Variants in TAB3 observed in about 807,000 individuals in gnomAD.
The protein encoded by TAB3 is TGF-beta-activated kinase 1 and MAP3K7-binding protein 3.
TAB3 carries 18 observed loss-of-function variants against 48.1 expected under a neutral mutation model. The observed-to-expected ratio is 0.37, with a 90% CI of 0.26 to 0.55. The LOEUF (loss-of-function observed/expected upper bound fraction) is 0.55, where lower values mean the gene tolerates loss of function less well. Ranked by LOEUF, TAB3 falls within the 20% of genes least tolerant of loss-of-function variation. TAB3 has a pLI of 0.78. For missense variants in TAB3, 414 were observed against 549.8 expected (o/e 0.75, Z 2.47); for synonymous variants, 185 against 190.2 (o/e 0.97, Z 0.22).
chrX:30,829,643 C>A lies in TAB3; in HGVS notation c.*1784G>T, dbSNP rs1937969507. 1 of 111,614 alleles carries A rather than the reference C, an allele frequency of 9.0e-6. No individual in the cohort carries two copies. The highest frequency in any genetic ancestry group is 1.9e-5 in the Non-Finnish European group (1 of 53,076). 9.2% of individuals were successfully genotyped at this position (111,614 alleles called of 1,213,427 possible). A position where few individuals can be genotyped will look rare whatever the true frequency, so the allele number is the denominator to read the frequency against. Reference sequence around the variant, plus strand: ...GAGATGTTTTTATCAGTGTTAATTACCATGCTTCCTTTGGGAGACTAGTGG... The same window carrying A: ...GAGATGTTTTTATCAGTGTTAATTAACATGCTTCCTTTGGGAGACTAGTGG... On this transcript the variant is annotated 3_prime_UTR_variant, in exon 11 of 11. Coordinates refer to ENST00000288422, the MANE Select transcript of TAB3 (RefSeq NM_152787.5).
Position 30,852,469 on chromosome X carries a change from A to C in TAB3, c.1710+309T>G, listed in dbSNP as rs191607921. ...GAATACACAAAGAATAAATTCATCA[A>C]ATTTTTGGTCAGGGTGCACTTTTCA... On this transcript the variant is annotated intron_variant, in intron 7 of 10. Coordinates refer to ENST00000288422, the MANE Select transcript of TAB3 (RefSeq NM_152787.5). Among the ~76,000 whole-genome samples the C allele has an allele frequency of 2.7e-5, 3 of 111,729 alleles. No homozygotes were observed. In the East Asian group the frequency reaches 8.4e-4, roughly 31 times the overall value.
intron 2 of TAB3, among the ~76,000 whole-genome samples, chrX:30,868,311 AT>A (rs1377274889): frequency 5.9e-4 from 1 of 1,699 alleles, no homozygotes; most frequent in Non-Finnish European, 9.9e-4. Flanking sequence ...ATATATATAT[AT>A]AGCTTATATA....
In TAB3 at chrX:30,830,442, A is replaced by G. The variant is rs1428480715; in HGVS notation, c.*985T>C. The G allele has an allele frequency of 9.0e-6, 1 of 111,237 alleles. No individual in the cohort carries two copies. The highest frequency in any genetic ancestry group is 3.3e-5 in the African/African-American group (1 of 30,539). 9.2% of individuals were successfully genotyped at this position (111,237 alleles called of 1,213,427 possible). ...GCTGTAAACATCATGAATTTATCAC[A>G]AAATTGGAAGGAAAAAAAAAAGGCC... On this transcript the variant is annotated 3_prime_UTR_variant, in exon 11 of 11. Transcript: ENST00000288422.
intron 7 of TAB3, among the ~76,000 whole-genome samples, chrX:30,852,171 T>C (rs1372441319): frequency 8.9e-6 from 1 of 112,338 alleles, no homozygotes; most frequent in East Asian, 2.8e-4. Flanking sequence ...TTGGGATCGT[T>C]AGAACTCATA....
intron 7 of TAB3, among the ~76,000 whole-genome samples, chrX:30,849,298 T>C (rs1009121392): frequency 8.9e-6 from 1 of 112,486 alleles, no homozygotes; most frequent in African/African-American, 3.2e-5. Context: ...TATCTTGCAC[T>C]TCTGCTCTCC....
chrX:30,849,387 G>A (rs983152751), intron 7 of TAB3, among the ~76,000 whole-genome samples: 1 of 112,453 alleles, frequency 8.9e-6, no homozygotes, highest in African/African-American at 3.2e-5. Context: ...AATGTGCACT[G>A]CAGTATCATT....
At chrX:30,851,557 A>G (rs1938850297) in intron 7 of TAB3, among the ~76,000 whole-genome samples, 2 of 112,142 alleles carry the variant, frequency 1.8e-5, no homozygotes, top group African/African-American at 6.5e-5. Context: ...GATGAAAGCT[A>G]TAGACCCACT....
At position 30,872,518 on chromosome X, in the gene TAB3, CTT is replaced by C. The variant is rs1293241531; in HGVS notation, c.-382-719_-382-718del. On this transcript the variant is annotated intron_variant, in intron 1 of 10. Transcript: ENST00000288422. ...ATAGCTTTAACTTCTTCAAGAATCA[CTT>C]TATCATAAGCCTTAGTAAAATAATA... is the stretch of plus-strand genomic sequence containing the variant. Among the ~76,000 whole-genome samples, 4 of 112,054 alleles carry C rather than the reference CTT, an allele frequency of 3.6e-5. No homozygotes were observed. In the South Asian group the frequency reaches 1.5e-3, roughly 41 times the overall value.
At chrX:30,846,085 C>T (rs965417890) in intron 8 of TAB3, 2 of 960,274 alleles carry the variant, frequency 2.1e-6, no homozygotes, top group Non-Finnish European at 2.7e-6. Context: ...TAAAAAAATC[C>T]AAAAAACTAA....
intron 8 of TAB3, chrX:30,846,165 A>T (rs1938615747): frequency 1.7e-5 from 11 of 663,833 alleles, no homozygotes; most frequent in Non-Finnish European, 2.1e-5. Flanking sequence ...GTTTATTTTA[A>T]AACTGAGAAA....
intron 9 of TAB3, among the ~76,000 whole-genome samples, chrX:30,839,026 C>T (rs1265212378): frequency 9.1e-6 from 1 of 109,950 alleles, no homozygotes; most frequent in Non-Finnish European, 1.9e-5. Context: ...CTAGGAACTC[C>T]AGGTACAACG....
rs1474825703 is a variant in TAB3 at position 30,827,958 on chromosome X, C to G, written c.*3469G>C. The G allele has an allele frequency of 8.9e-6, 1 of 112,286 alleles. No individual in the cohort carries two copies. The highest frequency in any genetic ancestry group is 1.9e-5 in the Non-Finnish European group (1 of 53,149). 9.3% of individuals were successfully genotyped at this position (112,286 alleles called of 1,213,427 possible). A position where few individuals can be genotyped will look rare whatever the true frequency, so the allele number is the denominator to read the frequency against. ...CAACACAGACAGTGCCCAATTTATT[C>G]TGATTTTTAAAAGTAACATTTCAGT... On this transcript the variant is annotated 3_prime_UTR_variant, in exon 11 of 11. Transcript: ENST00000288422.
intron 9 of TAB3, among the ~76,000 whole-genome samples, chrX:30,839,057 T>A (rs1232445060): frequency 9.0e-6 from 1 of 111,247 alleles, no homozygotes; most frequent in Non-Finnish European, 1.9e-5. Context: ...GTGGTGAGAA[T>A]AGACATCCTT....
At chrX:30,840,446 T>C (rs5927627) in intron 9 of TAB3, among the ~76,000 whole-genome samples, 30,603 of 110,634 alleles carry the variant, frequency 0.28, 3,279 homozygotes, top group Admixed American at 0.39. Context: ...AACCTTGAAA[T>C]TTCCTGAGTA....
intron 1 of TAB3, among the ~76,000 whole-genome samples, chrX:30,878,734 A>T (rs1292564375): frequency 8.9e-6 from 1 of 111,734 alleles, no homozygotes; most frequent in Non-Finnish European, 1.9e-5. Flanking sequence ...GGGCATTTTA[A>T]AAGATTGAAA....
chrX:30,861,649 TTA>T (rs1569217428), intron 4 of TAB3, among the ~76,000 whole-genome samples: 1 of 111,729 alleles, frequency 9.0e-6, no homozygotes, highest in East Asian at 2.8e-4. Flanking sequence ...GTAAAGCAAT[TTA>T]TAATTTCCAC....
At chrX:30,846,158 T>C in intron 8 of TAB3, 1 of 720,747 alleles carries the variant, frequency 1.4e-6, no homozygotes, top group Non-Finnish European at 1.8e-6. Flanking sequence ...ATATAGAGTT[T>C]ATTTTAAAAC....
At chrX:30,846,420 T>G (rs1938625753) in intron 8 of TAB3, 131 bp downstream of exon 8, 1 of 451,348 alleles carries the variant, frequency 2.2e-6, no homozygotes, top group African/African-American at 2.5e-5. Context: ...GACAGGGGGA[T>G]CTCTTTCCCA....
intron 1 of TAB3, among the ~76,000 whole-genome samples, chrX:30,884,138 CAAAT>C (rs1940066881): frequency 9.0e-6 from 1 of 111,497 alleles, no homozygotes; most frequent in Non-Finnish European, 1.9e-5. Context: ...CTGAACCTCT[CAAAT>C]AAACTCTGCA....
Sources: allele counts gnomAD v4.1 joint callset (sites outside exome capture counted in the v4.1 genomes callset), GRCh38; gene constraint gnomAD v4.1.1; transcripts MANE v1.5; gene names NCBI Gene and HGNC (gene_info 2026-07-23, HGNC 2026-07-21).